The following MIA2 variants were observed in gnomAD, a reference collection of about 807,000 sequenced individuals.
MIA2 encodes MIA SH3 domain ER export factor 2, also known as melanoma inhibitory activity protein 2.
A neutral mutation model predicts 167.8 loss-of-function variants in MIA2; 127 were observed. The observed-to-expected ratio is 0.76, with a 90% confidence interval of 0.66 to 0.88. MIA2 has a LOEUF of 0.88. Ranked by LOEUF, MIA2 falls within the 40% of genes least tolerant of loss-of-function variation. The probability of loss-of-function intolerance (pLI) is 0.00; values close to 1 mark genes in which losing one functional copy is unlikely to be tolerated. For missense variants in MIA2, 1,690 were observed against 1,624.7 expected (o/e 1.04, Z -0.69); for synonymous variants, 552 against 541.9 (o/e 1.02, Z -0.26).
At chr14:39,245,053 C>T (rs1014439012) in intron 3 of MIA2, among the ~76,000 whole-genome samples, 2 of 149,910 alleles carry the variant, frequency 1.3e-5, no homozygotes, top group Admixed American at 6.7e-5. Flanking sequence ...ACTGGGATTA[C>T]AGGCATGGGC....
chr14:39,247,373 T>A lies in MIA2; in HGVS notation c.799T>A (p.Leu267Ile). 6.2e-7 allele frequency: 1 copy of A among 1,614,056 alleles called. No homozygotes were observed. Among genetic ancestry groups the A allele is most frequent in the South Asian group, 1.1e-5 (1 of 91,070 alleles). ...AVEDENDLEE[L>I]NNGEPQTEHQ... ...GGAAGATGAGAATGACCTAGAGGAA[T>A]TAAATAATGGTGAGCCTCAAACAGA... Residue 267 changes from leucine (L) to isoleucine (I), a missense_variant, in exon 4 of 29, where the codon TTA becomes ATA. Physicochemically the swap from Leu to Ile is conservative, Grantham distance 5. Coordinates refer to ENST00000640607, the MANE Select transcript of MIA2 (RefSeq NM_001329214.4).
At chr14:39,284,157 T>C (rs1418104833) in intron 9 of MIA2, among the ~76,000 whole-genome samples, 1 of 152,172 alleles carries the variant, frequency 6.6e-6, no homozygotes, top group African/African-American at 2.4e-5. Flanking sequence ...TTTTTCCCTG[T>C]GTTTTCTTCT....
chr14:39,254,446 A>T (rs922242609), intron 6 of MIA2, among the ~76,000 whole-genome samples: 7 of 152,230 alleles, frequency 4.6e-5, no homozygotes, highest in African/African-American at 1.7e-4. Flanking sequence ...ATGCTGTCAA[A>T]TAAAGATTAA....
At chr14:39,274,705 C>T (rs1433594534) in intron 6 of MIA2, among the ~76,000 whole-genome samples, 1 of 151,388 alleles carries the variant, frequency 6.6e-6, no homozygotes, top group Non-Finnish European at 1.5e-5. Context: ...GGATTACAGG[C>T]CTGAGCCACC....
intron 23 of MIA2, among the ~76,000 whole-genome samples, chr14:39,373,688 G>T (rs1832212218): frequency 6.6e-6 from 1 of 152,158 alleles, no homozygotes. Flanking sequence ...GGGCATGGTG[G>T]TGTGCACCTG....
intron 6 of MIA2, among the ~76,000 whole-genome samples, chr14:39,264,104 T>TGAG (rs1276734158): frequency 6.6e-6 from 1 of 152,198 alleles, no homozygotes; most frequent in African/African-American, 2.4e-5. Flanking sequence ...ACCTGCTCCC[T>TGAG]TCCTCATTTT....
At chr14:39,312,880 A>G (rs1480159674) in intron 18 of MIA2, among the ~76,000 whole-genome samples, 1 of 89,944 alleles carries the variant, frequency 1.1e-5, no homozygotes, top group Non-Finnish European at 2.4e-5. Flanking sequence ...TTTCATTGTA[A>G]TTATAATTGT....
chr14:39,337,097 T>TTA (rs1424325251), intron 25 of MIA2, among the ~76,000 whole-genome samples: 1 of 152,282 alleles, frequency 6.6e-6, no homozygotes, highest in African/African-American at 2.4e-5. Context: ...TCTTTGGACC[T>TTA]TATATATTAT....
chr14:39,365,346 C>T (rs914983985), intron 23 of MIA2, among the ~76,000 whole-genome samples: 1 of 152,212 alleles, frequency 6.6e-6, no homozygotes, highest in Non-Finnish European at 1.5e-5. Context: ...AGGCATGAGC[C>T]ACTGCACCCG....
chr14:39,301,034 A>G (rs1299830569), intron 14 of MIA2, among the ~76,000 whole-genome samples: 1 of 64,394 alleles, frequency 1.6e-5, no homozygotes, highest in East Asian at 4.8e-4. Flanking sequence ...ATATATACAT[A>G]TACATACACA....
intron 23 of MIA2, among the ~76,000 whole-genome samples, chr14:39,371,384 C>G (rs939940742): frequency 5.3e-5 from 8 of 152,034 alleles, no homozygotes; most frequent in African/African-American, 1.9e-4. Context: ...AAAGACAAGA[C>G]TTTTTTAGGG....
At chr14:39,291,223 T>G in intron 10 of MIA2, 127 bp downstream of exon 10, 1 of 710,634 alleles carries the variant, frequency 1.4e-6, no homozygotes, top group South Asian at 2.6e-5. Flanking sequence ...ATGTTAAAAC[T>G]TAAATAAGAA....
At chr14:39,293,439 AATT>A in intron 11 of MIA2, 58 bp downstream of exon 11, 1 of 1,140,714 alleles carries the variant, frequency 8.8e-7, no homozygotes. Flanking sequence ...AGCTTTAAAA[AATT>A]AATATGATAC....
At chr14:39,265,498 GT>G in intron 6 of MIA2, 1 of 1,119,180 alleles carries the variant, frequency 8.9e-7, no homozygotes, top group South Asian at 1.4e-5. Flanking sequence ...GCTTTACTGT[GT>G]TTTTGCTATG....
At chr14:39,284,102 G>A (rs2059309518) in intron 9 of MIA2, among the ~76,000 whole-genome samples, 1 of 152,096 alleles carries the variant, frequency 6.6e-6, no homozygotes, top group Non-Finnish European at 1.5e-5. Context: ...CTAAGTTGTT[G>A]ATGTGATAGT....
downstream of MIA2, among the ~76,000 whole-genome samples, chr14:39,353,438 T>C (rs2074443407): frequency 6.6e-6 from 1 of 152,184 alleles, no homozygotes; most frequent in East Asian, 1.9e-4. Context: ...AGTGAGAACA[T>C]GTGGTATTTA....
intron 23 of MIA2, chr14:39,385,890 A>G (rs2075265617): frequency 3.2e-6 from 3 of 924,508 alleles, no homozygotes; most frequent in Admixed American, 1.7e-5. Context: ...CCTTTCAAGA[A>G]AAAAGGTTAT....
intron 25 of MIA2, among the ~76,000 whole-genome samples, chr14:39,331,191 G>T (rs1395291829): frequency 1.3e-5 from 2 of 152,102 alleles, no homozygotes; most frequent in Non-Finnish European, 1.5e-5. Context: ...GTGTTGCATT[G>T]ATCCCTTTAC....
chr14:39,238,858 G>A (rs1403706000), intron 2 of MIA2, among the ~76,000 whole-genome samples: 2 of 145,262 alleles, frequency 1.4e-5, no homozygotes, highest in African/African-American at 5.1e-5. Context: ...TATTTGGCCC[G>A]AAGCTTTAGT....
Sources: allele counts gnomAD v4.1 joint callset (sites outside exome capture counted in the v4.1 genomes callset), GRCh38; gene constraint gnomAD v4.1.1; transcripts MANE v1.5; gene names NCBI Gene and HGNC (gene_info 2026-07-23, HGNC 2026-07-21).